ZMYM5: variants seen among roughly 807,000 people sequenced by gnomAD.
ZMYM5 encodes the protein zinc finger MYM-type containing 5.
Under a neutral mutation model 61.8 loss-of-function variants are expected in ZMYM5, and 41 were observed. The observed-to-expected ratio is 0.66, with a 90% CI of 0.52 to 0.86. ZMYM5 has a LOEUF of 0.86. Ranked by LOEUF, ZMYM5 falls within the 40% of genes least tolerant of loss-of-function variation. ZMYM5 has a pLI of 0.00. For synonymous variants in ZMYM5, 257 were observed against 276.4 expected, an observed-to-expected ratio of 0.93 and a Z score of 0.70; for missense variants, 706 against 786.7, an observed-to-expected ratio of 0.90 and a Z score of 1.23.
chr13:19,846,632 C>A (rs1953082247), intron 4 of ZMYM5, among the ~76,000 whole-genome samples: 4 of 151,976 alleles, frequency 2.6e-5, no homozygotes, highest in Admixed American at 2.6e-4. Context: ...CATTTAGGAT[C>A]TGAGTGAACC....
intron 7 of ZMYM5, among the ~76,000 whole-genome samples, chr13:19,827,803 G>A (rs1424454172): frequency 2.0e-5 from 3 of 151,660 alleles, no homozygotes; most frequent in Admixed American, 6.6e-5. Context: ...AGGCTGAGGC[G>A]GGCGGATCAC....
At chr13:19,861,602 A>C (rs1358585155) in intron 2 of ZMYM5, among the ~76,000 whole-genome samples, 1 of 152,244 alleles carries the variant, frequency 6.6e-6, no homozygotes, top group East Asian at 1.9e-4. Context: ...AGATAAGCTA[A>C]TCACAAGTTT....
In ZMYM5 at chr13:19,863,552, C is replaced by G. The variant is rs1424683793; in HGVS notation, c.-181G>C. 2 of 152,840 alleles carry G rather than the reference C, an allele frequency of 1.3e-5. No homozygotes were observed. Among genetic ancestry groups the G allele is most frequent in the Non-Finnish European group, 2.9e-5 (2 of 68,320 alleles). 9.5% of individuals were successfully genotyped at this position (152,840 alleles called of 1,614,324 possible). Reference sequence around the variant, plus strand: ...CAGCGGGGATAAGCGTCACCCGGTTCTGGCTGCGGCTGCGCGGAACGAACA... The same window carrying G: ...CAGCGGGGATAAGCGTCACCCGGTTGTGGCTGCGGCTGCGCGGAACGAACA... On this transcript the variant is annotated 5_prime_UTR_variant, in exon 1 of 8. Coordinates refer to ENST00000337963, the MANE Select transcript of ZMYM5 (RefSeq NM_001142684.2).
intron 7 of ZMYM5, among the ~76,000 whole-genome samples, chr13:19,831,025 G>A (rs1891186239): frequency 6.6e-6 from 1 of 151,748 alleles, no homozygotes; most frequent in Admixed American, 6.6e-5. Flanking sequence ...ATGTTTAGTA[G>A]AGACAGGGTT....
chr13:19,829,836 CTT>C (rs532737923), intron 7 of ZMYM5, among the ~76,000 whole-genome samples: 9 of 152,034 alleles, frequency 5.9e-5, no homozygotes, highest in Non-Finnish European at 1.2e-4. Flanking sequence ...TATTTACTGA[CTT>C]TTTTTTCCTC....
intron 4 of ZMYM5, among the ~76,000 whole-genome samples, chr13:19,839,246 A>AAG (rs145148759): frequency 0.098 from 14,937 of 152,138 alleles, 858 homozygotes; most frequent in African/African-American, 0.16. Flanking sequence ...ATCGGCTCTT[A>AAG]AGTCAGACTC....
intron 2 of ZMYM5, 23 bp downstream of exon 2, chr13:19,862,376 G>GT (rs1953800340): frequency 1.3e-5 from 2 of 148,484 alleles, no homozygotes; most frequent in Non-Finnish European, 3.0e-5. Flanking sequence ...GCAAAGCGGG[G>GT]TAAAAAAAAA....
Position 19,824,429 on chromosome 13 carries a change from G to A in ZMYM5, c.*48C>T, listed in dbSNP as rs1190868507. ...GACTATTGCAGGACAGATGTTTTCT[G>A]AGTAATGTAAGATTCTGATCATCAT... is the stretch of plus-strand genomic sequence containing the variant. On this transcript the variant is annotated 3_prime_UTR_variant, in exon 8 of 8. Transcript: ENST00000337963. 2 of 1,256,186 alleles carry A rather than the reference G, an allele frequency of 1.6e-6. No homozygotes were observed. The highest frequency in any genetic ancestry group is 2.0e-6 in the Non-Finnish European group (2 of 976,242). 77.8% of individuals were successfully genotyped at this position (1,256,186 alleles called of 1,614,324 possible). A position where few individuals can be genotyped will look rare whatever the true frequency, so the allele number is the denominator to read the frequency against.
chr13:19,834,264 C>T (rs1593856170), intron 7 of ZMYM5, among the ~76,000 whole-genome samples: 1 of 151,704 alleles, frequency 6.6e-6, no homozygotes, highest in South Asian at 2.1e-4. Flanking sequence ...AGGCGTGAGC[C>T]ACCACGTCCA....
At chr13:19,854,655 A>C (rs1446510311) in intron 2 of ZMYM5, among the ~76,000 whole-genome samples, 1 of 150,274 alleles carries the variant, frequency 6.7e-6, no homozygotes, top group Non-Finnish European at 1.5e-5. Context: ...ACCTCAATGT[A>C]ATCTATAATC....
chr13:19,860,978 A>G (rs1593931768), intron 2 of ZMYM5, among the ~76,000 whole-genome samples: 1 of 144,362 alleles, frequency 6.9e-6, no homozygotes. Flanking sequence ...AACCTTATGG[A>G]CCAGGCTTTT....
Position 19,852,139 on chromosome 13 carries a change from C to G in ZMYM5, c.42G>C (p.Gln14His), listed in dbSNP as rs148379377. Residue 14 changes from glutamine to histidine, a missense_variant, in exon 3 of 8, where the codon CAG becomes CAC. By Grantham distance (24) the Gln-to-His change is conservative (BLOSUM62 0). This residue lies in a region of ZMYM5 where 480 missense variants were observed against 461.7 expected (regional missense o/e 1.04). Transcript: ENST00000337963. Reference protein sequence around the residue: ...CSVGGLELTEQTPALLGNMAM... With the variant: ...CSVGGLELTEHTPALLGNMAM... ...CCATATTCCCTAATAAAGCAGGAGT[C>G]TGTTCAGTCAACTCTAATCCTCCCA... 1,060 of 1,612,202 alleles carry G rather than the reference C, an allele frequency of 6.6e-4. No homozygotes were observed. Among genetic ancestry groups the G allele is most frequent in the Non-Finnish European group, 8.0e-4 (944 of 1,179,852 alleles).
chr13:19,860,682 C>T (rs1953713483), intron 2 of ZMYM5, among the ~76,000 whole-genome samples: 1 of 151,950 alleles, frequency 6.6e-6, no homozygotes, highest in African/African-American at 2.4e-5. Flanking sequence ...AGGTGATCCA[C>T]CCACCTCGGC....
chr13:19,836,108 G>A (rs1194748373), intron 6 of ZMYM5, among the ~76,000 whole-genome samples: 5 of 152,170 alleles, frequency 3.3e-5, no homozygotes. Context: ...ACAGGCATGA[G>A]CCACCATGCC....
chr13:19,851,972 G>A lies in ZMYM5; in HGVS notation c.209C>T (p.Ser70Leu). 1 of 1,614,022 alleles carries A rather than the reference G, an allele frequency of 6.2e-7. No individual in the cohort carries two copies. The highest frequency in any genetic ancestry group is 8.5e-7 in the Non-Finnish European group (1 of 1,180,004). Reference protein sequence around the residue: ...VVFIESIQPPSISAPAIADQR... With the variant: ...VVFIESIQPPLISAPAIADQR... ...ATCAGCTATTGCTGGAGCAGAAATT[G>A]AAGGAGGTTGTATAGATTCAATAAA... is the stretch of plus-strand genomic sequence containing the variant. Residue 70 changes from serine (S) to leucine (L), a missense_variant, in exon 3 of 8, where the codon TCA becomes TTA. By Grantham distance (145) the Ser-to-Leu change is moderately radical. This residue lies in a region of ZMYM5 where 480 missense variants were observed against 461.7 expected (regional missense o/e 1.04). Transcript: ENST00000337963.
At chr13:19,847,803 A>ATTTTTT (rs34176871) in intron 4 of ZMYM5, among the ~76,000 whole-genome samples, 10 of 79,890 alleles carry the variant, frequency 1.3e-4, no homozygotes, top group Non-Finnish European at 1.3e-4. Context: ...TGCCCGGCTA[A>ATTTTTT]TTTTTTTTTT....
intron 5 of ZMYM5, 113 bp from the exon 6 acceptor site, chr13:19,837,934 A>C: frequency 8.1e-7 from 1 of 1,233,212 alleles, no homozygotes; most frequent in South Asian, 1.6e-5. Flanking sequence ...ACTAGAAATC[A>C]AGTATAACTT....
At chr13:19,846,425 T>C (rs1953073835) in intron 4 of ZMYM5, among the ~76,000 whole-genome samples, 1 of 152,140 alleles carries the variant, frequency 6.6e-6, no homozygotes, top group South Asian at 2.1e-4. Flanking sequence ...TCAAAAGAGT[T>C]CATCACTTCA....
intron 7 of ZMYM5, among the ~76,000 whole-genome samples, chr13:19,826,482 C>A (rs1325232286): frequency 6.6e-6 from 1 of 152,120 alleles, no homozygotes; most frequent in Non-Finnish European, 1.5e-5. Flanking sequence ...ACAGGCCAGG[C>A]ATGGTGGCGC....
Sources: gnomAD v4.1 joint callset for allele counts (sites outside exome capture counted in the v4.1 genomes callset) on GRCh38, gnomAD v4.1.1 for gene constraint, gnomAD v4.1.1 regional missense constraint, MANE v1.5 for transcripts, NCBI Gene and HGNC (gene_info 2026-07-23, HGNC 2026-07-21) for gene names.